The following ETFA variants were observed in gnomAD, a reference collection of about 807,000 sequenced individuals.
ETFA encodes the protein electron transfer flavoprotein subunit alpha, mitochondrial.
ETFA carries 22 observed loss-of-function variants against 46.2 expected under a neutral mutation model. That is an observed-to-expected ratio of 0.48 (90% CI 0.34 to 0.68). The LOEUF is 0.68. Among genes scored for constraint, ETFA ranks in the 30% least tolerant of loss-of-function variants. ETFA has a pLI of 0.01. For synonymous variants in ETFA, 131 were observed against 139.9 expected, an observed-to-expected ratio of 0.94 and a Z score of 0.45; for missense variants, 345 against 401.1, an observed-to-expected ratio of 0.86 and a Z score of 1.19.
At chr15:76,309,088 A>G (rs2039963553) in intron 1 of ETFA, among the ~76,000 whole-genome samples, 2 of 152,202 alleles carry the variant, frequency 1.3e-5, no homozygotes. Flanking sequence ...GGTCCACTTT[A>G]GAAGTGTTGC....
intron 9 of ETFA, among the ~76,000 whole-genome samples, chr15:76,235,081 A>G (rs1424105947): frequency 1.3e-5 from 2 of 152,268 alleles, no homozygotes; most frequent in East Asian, 1.9e-4. Flanking sequence ...CTGCATGACC[A>G]TGGGCCATTC....
chr15:76,292,401 T>C, intron 4 of ETFA, 30 bp downstream of exon 4: 2 of 1,445,832 alleles, frequency 1.4e-6, no homozygotes, highest in Non-Finnish European at 1.9e-6. Context: ...CAAGCAGTGA[T>C]ATCAGATTCC....
chr15:76,306,471 G>T (rs555706792), intron 1 of ETFA, among the ~76,000 whole-genome samples: 1 of 151,624 alleles, frequency 6.6e-6, no homozygotes, highest in African/African-American at 2.4e-5. Flanking sequence ...TCACCATGTT[G>T]GTCAGGCTAA....
rs572760558 is a variant in ETFA, at chr15:76,281,443, TGA to T, written c.733+2312_733+2313del. ...ACTCTCTAACATTTTTTTTTTTTTT[TGA>T]GACAGAGTCTCGCCCTGTTGCCCAG... On this transcript the variant is annotated intron_variant, in intron 8 of 11. Transcript: ENST00000557943. 4.4e-3 allele frequency among the ~76,000 whole-genome samples: 670 copies of T among 151,680 alleles called. 6 individuals are homozygous for T. Among genetic ancestry groups the T allele is most frequent in the African/African-American group, 0.015 (635 of 41,134 alleles).
chr15:76,299,546 G>A (rs3958426), intron 1 of ETFA, among the ~76,000 whole-genome samples: 43,544 of 151,988 alleles, frequency 0.29, 6,701 homozygotes, highest in East Asian at 0.58. Context: ...GCCTCCCAGA[G>A]TGCTTGGATT....
intron 9 of ETFA, among the ~76,000 whole-genome samples, chr15:76,241,295 G>A (rs1264878651): frequency 6.6e-6 from 1 of 151,840 alleles, no homozygotes; most frequent in Non-Finnish European, 1.5e-5. Flanking sequence ...GAGGCCAGGA[G>A]TTTGAGACCA....
At chr15:76,226,125 T>TA in intron 10 of ETFA, 196 bp from the exon 11 acceptor site, 2 of 569,670 alleles carry the variant, frequency 3.5e-6, no homozygotes. Context: ...TACCCACATC[T>TA]AGCCCATCTC....
At chr15:76,287,680 T>C (rs1266940017) in intron 5 of ETFA, 166 bp downstream of exon 5, 7 of 576,042 alleles carry the variant, frequency 1.2e-5, no homozygotes, top group Admixed American at 7.7e-5. Context: ...GAGAATGCCA[T>C]GTCAAGGGCC....
chr15:76,253,265 T>A (rs2039318120), intron 9 of ETFA, among the ~76,000 whole-genome samples: 1 of 152,230 alleles, frequency 6.6e-6, no homozygotes, highest in Non-Finnish European at 1.5e-5. Flanking sequence ...TAATCTTTCA[T>A]ATTCATATGT....
intron 1 of ETFA, among the ~76,000 whole-genome samples, chr15:76,308,984 G>C (rs1489170291): frequency 6.6e-6 from 1 of 152,186 alleles, no homozygotes; most frequent in African/African-American, 2.4e-5. Flanking sequence ...AGGGTTTTGA[G>C]ATTTCTTTGT....
intron 9 of ETFA, among the ~76,000 whole-genome samples, chr15:76,245,547 A>G (rs1293241679): frequency 6.6e-6 from 1 of 152,242 alleles, no homozygotes; most frequent in African/African-American, 2.4e-5. Context: ...GAGAACCCAG[A>G]AACAAAATTT....
rs372301578 is a variant in ETFA at position 76,299,052 on chromosome 15, T to G, written c.40-3315A>C. On this transcript the variant is annotated intron_variant, in intron 1 of 11. Coordinates refer to ENST00000557943, the MANE Select transcript of ETFA (RefSeq NM_000126.4). ...GGAAAAGGAGCCAAATTCTTAAACA[T>G]TTAAAGATAACTATTGAAATACTTA... 1.1e-3 allele frequency among the ~76,000 whole-genome samples: 165 copies of G among 152,362 alleles called. 1 individual carries two copies. Among genetic ancestry groups the G allele is most frequent in the African/African-American group, 3.9e-3 (162 of 41,586 alleles).
intron 7 of ETFA, 140 bp from the exon 8 acceptor site, chr15:76,283,965 TC>T: frequency 1.5e-6 from 1 of 647,314 alleles, no homozygotes; most frequent in Non-Finnish European, 2.8e-6. Flanking sequence ...ATAAACCTTT[TC>T]TGGCCTCTGA....
At chr15:76,220,957 C>T (rs2038951147) in intron 11 of ETFA, among the ~76,000 whole-genome samples, 1 of 152,142 alleles carries the variant, frequency 6.6e-6, no homozygotes, top group Non-Finnish European at 1.5e-5. Flanking sequence ...CCAGGTGACC[C>T]AGCAATTCCA....
rs201073199 is a variant in ETFA at position 76,311,247 on chromosome 15, G to A, written c.39+103C>T. 402 of 1,371,138 alleles carry A rather than the reference G, an allele frequency of 2.9e-4. 3 individuals are homozygous for A. In the East Asian group the frequency reaches 8.4e-3, roughly 29 times the overall value. The allele number at this position is 1,371,138 out of a possible 1,614,324, so 84.9% of individuals were successfully genotyped here. A position where few individuals can be genotyped will look rare whatever the true frequency, so the allele number is the denominator to read the frequency against. On this transcript the variant is annotated intron_variant, in intron 1 of 11. Coordinates refer to ENST00000557943, the MANE Select transcript of ETFA (RefSeq NM_000126.4). ...GCGGGGACCGGCCTGCGGGCGCGAG[G>A]GCTGGTCGAATCTGAGGGGGCCAGT...
chr15:76,274,543 T>A, intron 8 of ETFA, 49 bp from the exon 9 acceptor site: 1 of 1,403,236 alleles, frequency 7.1e-7, no homozygotes, highest in Non-Finnish European at 1.0e-6. Context: ...ATTATTCAGC[T>A]AGTTAGGATA....
chr15:76,268,434 T>G (rs1169856375), intron 9 of ETFA, among the ~76,000 whole-genome samples: 1 of 152,162 alleles, frequency 6.6e-6, no homozygotes, highest in Admixed American at 6.5e-5. Context: ...AGAGTCATGC[T>G]GACATCAACC....
intron 9 of ETFA, among the ~76,000 whole-genome samples, chr15:76,248,418 G>C (rs905408579): frequency 1.3e-5 from 2 of 151,770 alleles, no homozygotes; most frequent in Non-Finnish European, 2.9e-5. Flanking sequence ...AAATGTGAAG[G>C]ACAAAATTTT....
intron 9 of ETFA, chr15:76,260,359 A>G (rs113522089): frequency 0.14 from 164,989 of 1,215,920 alleles, 9 homozygotes; most frequent in Non-Finnish European, 0.16. Context: ...TTTTGAAGCA[A>G]GATGAGGGCC....
Sources: gnomAD v4.1 joint callset for allele counts (sites outside exome capture counted in the v4.1 genomes callset) on GRCh38, gnomAD v4.1.1 for gene constraint, MANE v1.5 for transcripts, NCBI Gene and HGNC (gene_info 2026-07-23, HGNC 2026-07-21) for gene names.